Variants in APOLD1 observed in about 807,000 individuals in gnomAD.
APOLD1 encodes the protein apolipoprotein L domain containing 1.
APOLD1 carries 22 observed loss-of-function variants against 15.3 expected under a neutral mutation model. That is an observed-to-expected ratio of 1.44 (90% CI 1.03 to 2.05). The LOEUF (loss-of-function observed/expected upper bound fraction) is 2.05. Among genes scored for constraint, APOLD1 ranks in the 30% most tolerant of loss-of-function variants. The pLI is 0.00. For missense variants in APOLD1, 394 were observed against 353.5 expected (o/e 1.11, Z -0.92); for synonymous variants, 190 against 167.4 (o/e 1.13, Z -1.04).
chr12:12,773,909 A>G (rs1947007665), intron 1 of APOLD1, among the ~76,000 whole-genome samples: 1 of 152,160 alleles, frequency 6.6e-6, no homozygotes, highest in Non-Finnish European at 1.5e-5. Flanking sequence ...ATGAGTCTAG[A>G]CACAGATCTT....
intron 1 of APOLD1, among the ~76,000 whole-genome samples, chr12:12,763,995 C>CCCAG (rs1946924577): frequency 1.3e-5 from 2 of 152,068 alleles, no homozygotes; most frequent in Non-Finnish European, 2.9e-5. Flanking sequence ...TGGAGTTTCA[C>CCCAG]TCTGTCACCC....
intron 1 of APOLD1, among the ~76,000 whole-genome samples, chr12:12,769,822 A>G (rs1017985778): frequency 1.3e-5 from 2 of 152,236 alleles, no homozygotes; most frequent in African/African-American, 2.4e-5. Flanking sequence ...TTCACAGTCC[A>G]GAGACATAGG....
intron 1 of APOLD1, among the ~76,000 whole-genome samples, chr12:12,729,132 C>T (rs1946617150): frequency 6.6e-6 from 1 of 151,878 alleles, no homozygotes; most frequent in Non-Finnish European, 1.5e-5. Flanking sequence ...CCCTTTACTC[C>T]TTTTTTTCCC....
intron 1 of APOLD1, among the ~76,000 whole-genome samples, chr12:12,742,488 C>T (rs891462812): frequency 2.0e-5 from 3 of 151,846 alleles, no homozygotes; most frequent in Admixed American, 6.6e-5. Context: ...CCTGGTCGGC[C>T]GGGCACGGTG....
At chr12:12,765,740 C>T (rs181509406) in intron 1 of APOLD1, among the ~76,000 whole-genome samples, 25 of 152,224 alleles carry the variant, frequency 1.6e-4, no homozygotes, top group African/African-American at 5.5e-4. Context: ...TGTGGTGGCA[C>T]AAACCTATAG....
intron 1 of APOLD1, among the ~76,000 whole-genome samples, chr12:12,749,565 C>CT (rs899131129): frequency 6.6e-6 from 1 of 152,102 alleles, no homozygotes; most frequent in African/African-American, 2.4e-5. Flanking sequence ...TGATTGGTTG[C>CT]TTTTTGCAGC....
chr12:12,752,238 A>G (rs935067327), intron 1 of APOLD1, among the ~76,000 whole-genome samples: 1 of 152,184 alleles, frequency 6.6e-6, no homozygotes, highest in African/African-American at 2.4e-5. Context: ...TAAACTGAAC[A>G]TGATTGGCTT....
intron 1 of APOLD1, among the ~76,000 whole-genome samples, chr12:12,736,730 A>T (rs1006378576): frequency 7.2e-5 from 11 of 152,216 alleles, no homozygotes; most frequent in African/African-American, 2.7e-4. Flanking sequence ...CGAGTTTTCA[A>T]AAACCAAAAC....
intron 1 of APOLD1, among the ~76,000 whole-genome samples, chr12:12,727,197 C>T (rs1946600234): frequency 6.6e-6 from 1 of 152,026 alleles, no homozygotes; most frequent in African/African-American, 2.4e-5. Context: ...GTGGCTAGTC[C>T]AAATTGAGAT....
intron 1 of APOLD1, among the ~76,000 whole-genome samples, chr12:12,732,543 G>A (rs1223430261): frequency 6.6e-6 from 1 of 151,964 alleles, no homozygotes; most frequent in Non-Finnish European, 1.5e-5. Context: ...TGGCCAACAT[G>A]GCGAAACCCC....
At chr12:12,772,467 G>C (rs1019863976) in intron 1 of APOLD1, among the ~76,000 whole-genome samples, 1 of 152,176 alleles carries the variant, frequency 6.6e-6, no homozygotes, top group South Asian at 2.1e-4. Flanking sequence ...ACCTAACAAC[G>C]GAGTGTCAAA....
intron 1 of APOLD1, among the ~76,000 whole-genome samples, chr12:12,754,962 G>A (rs981107198): frequency 4.6e-5 from 7 of 151,582 alleles, no homozygotes; most frequent in Non-Finnish European, 8.8e-5. Context: ...TGGGAGGATC[G>A]TTTGAGCCCA....
At chr12:12,772,937 G>T (rs937939350) in intron 1 of APOLD1, among the ~76,000 whole-genome samples, 1 of 152,090 alleles carries the variant, frequency 6.6e-6, no homozygotes, top group Non-Finnish European at 1.5e-5. Context: ...GAAAATGAAA[G>T]CCAGGCATGG....
chr12:12,751,655 G>C (rs1253803611), intron 1 of APOLD1, among the ~76,000 whole-genome samples: 1 of 152,236 alleles, frequency 6.6e-6, no homozygotes, highest in Non-Finnish European at 1.5e-5. Flanking sequence ...CCACCCAGGA[G>C]TGACTCTTAG....
intron 1 of APOLD1, among the ~76,000 whole-genome samples, chr12:12,742,582 T>A (rs1946736510): frequency 6.6e-6 from 1 of 152,088 alleles, no homozygotes. Flanking sequence ...CTGGCCAAGA[T>A]GGTGAAACCC....
chr12:12,753,391 TG>T (rs1240509910), intron 1 of APOLD1, among the ~76,000 whole-genome samples: 1 of 152,122 alleles, frequency 6.6e-6, no homozygotes, highest in Non-Finnish European at 1.5e-5. Context: ...GGGGGTTGGG[TG>T]TGATGGCTCA....
At chr12:12,761,861 A>AGAGAGAGAGAGAGAGG (rs1465812728) in intron 1 of APOLD1, among the ~76,000 whole-genome samples, 6 of 145,516 alleles carry the variant, frequency 4.1e-5, no homozygotes, top group South Asian at 4.4e-4. Flanking sequence ...AGAGAGAGAG[A>AGAGAGAGAGAGAGAGG]GTCTTGCTCT....
At chr12:12,776,067 G>A (rs1947031812) in intron 1 of APOLD1, among the ~76,000 whole-genome samples, 1 of 144,626 alleles carries the variant, frequency 6.9e-6, no homozygotes, top group Non-Finnish European at 1.5e-5. Context: ...AAGCAAATAA[G>A]GAGAATAATA....
At chr12:12,767,576 G>A (rs1946951315) in intron 1 of APOLD1, among the ~76,000 whole-genome samples, 1 of 152,066 alleles carries the variant, frequency 6.6e-6, no homozygotes, top group African/African-American at 2.4e-5. Context: ...CATGAGAATT[G>A]CTTGAACCCG....
Sources: gnomAD v4.1 joint callset for allele counts (sites outside exome capture counted in the v4.1 genomes callset) on GRCh38, gnomAD v4.1.1 for gene constraint, MANE v1.5 for transcripts, NCBI Gene and HGNC (gene_info 2026-07-23, HGNC 2026-07-21) for gene names.